The following ZCCHC2 variants were observed in gnomAD, a reference collection of about 807,000 sequenced individuals.
ZCCHC2 encodes the protein zinc finger CCHC domain-containing protein 2.
In ZCCHC2, 39 loss-of-function variants were observed where a neutral mutation model predicts 103.6. The observed-to-expected ratio is 0.38, with a 90% CI of 0.29 to 0.49. The LOEUF (loss-of-function observed/expected upper bound fraction) is 0.49, where lower values mean the gene tolerates loss of function less well. Ranked by LOEUF, ZCCHC2 falls within the 20% of genes least tolerant of loss-of-function variation. The pLI is 0.96. For synonymous variants in ZCCHC2, 687 were observed against 608.9 expected (o/e 1.13, Z -1.89); for missense variants, 1,483 against 1,491.0 (o/e 0.99, Z 0.09).
At chr18:62,553,930 A>G (rs974296990) in intron 5 of ZCCHC2, among the ~76,000 whole-genome samples, 2 of 152,202 alleles carry the variant, frequency 1.3e-5, no homozygotes, top group Admixed American at 6.5e-5. Flanking sequence ...AAATTTTTAT[A>G]TACTCAGATT....
chr18:62,524,566 C>G (rs992238815), intron 1 of ZCCHC2: 1 of 733,930 alleles, frequency 1.4e-6, no homozygotes, highest in Non-Finnish European at 2.0e-6. Flanking sequence ...ACCCCACACC[C>G]CGGCAGACAC....
In ZCCHC2 at chr18:62,524,105, C is replaced by G; in HGVS notation, c.681C>G (p.Gly227=). 6.6e-7 allele frequency: 1 copy of G among 1,521,590 alleles called. No homozygotes were observed. 94.3% of individuals were successfully genotyped at this position (1,521,590 alleles called of 1,614,324 possible). Residue 227 remains glycine, a synonymous_variant, in exon 1 of 14, where the codon GGC becomes GGG. Coordinates refer to ENST00000269499, the MANE Select transcript of ZCCHC2 (RefSeq NM_017742.6). ...ACGAGCGCGGCGAGGACGGCGACGG[C>G]GAGCAGGACGCCGAGAAGGACGGCT... ...AEDERGEDGD[G]EQDAEKDGSG... is the part of the protein sequence containing the mutation.
At chr18:62,582,932 C>T (rs951345013), downstream of ZCCHC2, among the ~76,000 whole-genome samples, 1 of 151,948 alleles carries the variant, frequency 6.6e-6, no homozygotes, top group Non-Finnish European at 1.5e-5. Context: ...GACGAAACCC[C>T]ATCTCTACAA....
rs1390093698 is a variant in ZCCHC2, at chr18:62,537,597, C to T, written c.940-2084C>T. Among the ~76,000 whole-genome samples, 3 of 152,270 alleles carry T rather than the reference C, an allele frequency of 2.0e-5. 1 individual carries two copies. Among genetic ancestry groups the T allele is most frequent in the African/African-American group, 7.2e-5 (3 of 41,542 alleles). On this transcript the variant is annotated intron_variant, in intron 1 of 13. Transcript: ENST00000269499. ...ACTCTCTTTGGGATTCATCTAAATCCTATTATGTATCAGAATTGCATTCCT... is the reference window on the plus strand; with the variant it reads ...ACTCTCTTTGGGATTCATCTAAATCTTATTATGTATCAGAATTGCATTCCT...
intron 7 of ZCCHC2, among the ~76,000 whole-genome samples, chr18:62,559,402 G>C (rs923919020): frequency 2.6e-5 from 4 of 152,212 alleles, no homozygotes; most frequent in Admixed American, 2.6e-4. Flanking sequence ...ATAATGTGCA[G>C]CCTCACTGGT....
chr18:62,562,470 T>C (rs11877529), intron 8 of ZCCHC2, among the ~76,000 whole-genome samples: 1,619 of 152,316 alleles, frequency 0.011, 22 homozygotes, highest in African/African-American at 0.037. Context: ...ATTAGTTTAT[T>C]TTATAAGTTC....
intron 5 of ZCCHC2, chr18:62,551,643 A>T (rs1416813537): frequency 6.5e-6 from 1 of 153,352 alleles, no homozygotes; most frequent in African/African-American, 2.4e-5. Context: ...GAGCGGAGGC[A>T]TCTGAGTGAG....
intron 1 of ZCCHC2, among the ~76,000 whole-genome samples, chr18:62,532,607 G>T (rs1914736843): frequency 6.6e-6 from 1 of 151,998 alleles, no homozygotes; most frequent in Non-Finnish European, 1.5e-5. Flanking sequence ...TCATGCCATT[G>T]TCTCTTGTAT....
At chr18:62,564,962 A>T in intron 10 of ZCCHC2, 40 bp from the exon 11 acceptor site, 1 of 1,429,496 alleles carries the variant, frequency 7.0e-7, no homozygotes, top group Non-Finnish European at 9.9e-7. Context: ...TTTGGTAGAT[A>T]ACCTTATTAA....
chr18:62,532,358 T>C (rs1914720517), intron 1 of ZCCHC2, among the ~76,000 whole-genome samples: 1 of 152,224 alleles, frequency 6.6e-6, no homozygotes, highest in Non-Finnish European at 1.5e-5. Flanking sequence ...CCTGACACCG[T>C]TCTCTGTTGG....
chr18:62,552,554 A>G (rs1012439073), intron 5 of ZCCHC2: 1 of 152,176 alleles, frequency 6.6e-6, no homozygotes, highest in African/African-American at 2.4e-5. Context: ...AAAATTAACT[A>G]TTTCTGGAAG....
Position 62,523,719 on chromosome 18 carries a change from T to C in ZCCHC2, c.295T>C (p.Tyr99His). Residue 99 changes from tyrosine to histidine, a missense_variant, in exon 1 of 14, where the codon TAC (tyrosine) becomes CAC (histidine). Coordinates refer to ENST00000269499, the MANE Select transcript of ZCCHC2 (RefSeq NM_017742.6). ...GGCGCTGCGCGAGCAGGAGCGGGTATACGAGTGGTTCGGGCTGGTGCTGGG... is the reference window on the plus strand; with the variant it reads ...GGCGCTGCGCGAGCAGGAGCGGGTACACGAGTGGTTCGGGCTGGTGCTGGG... The part of the protein sequence containing the change: ...SAALREQERV[Y>H]EWFGLVLGSA... 2.0e-6 allele frequency: 3 copies of C among 1,514,380 alleles called. No individual in the cohort carries two copies. Among genetic ancestry groups the C allele is most frequent in the Non-Finnish European group, 2.6e-6 (3 of 1,139,378 alleles). The allele number at this position is 1,514,380 out of a possible 1,614,324, so 93.8% of individuals were successfully genotyped here. A position where few individuals can be genotyped will look rare whatever the true frequency, so the allele number is the denominator to read the frequency against.
intron 1 of ZCCHC2, 99 bp downstream of exon 1, chr18:62,524,462 G>A (rs1753276335): frequency 1.4e-6 from 2 of 1,394,992 alleles, no homozygotes; most frequent in South Asian, 3.2e-5. Context: ...GCCCCAGCCC[G>A]GCGCAGGTGG....
At chr18:62,550,275 T>C (rs1915605711) in intron 4 of ZCCHC2, 73 bp from the exon 5 acceptor site, 7 of 1,107,672 alleles carry the variant, frequency 6.3e-6, no homozygotes, top group African/African-American at 3.2e-5. Flanking sequence ...CTTCATTTTA[T>C]GCATATAACT....
intron 1 of ZCCHC2, among the ~76,000 whole-genome samples, chr18:62,537,558 A>G (rs1914982301): frequency 6.6e-6 from 1 of 152,112 alleles, no homozygotes; most frequent in South Asian, 2.1e-4. Context: ...TGTCTGGCTT[A>G]TTTCACCTAG....
chr18:62,544,089 A>G (rs1307487790), intron 3 of ZCCHC2, among the ~76,000 whole-genome samples: 3 of 152,224 alleles, frequency 2.0e-5, no homozygotes, highest in Admixed American at 1.3e-4. Context: ...TTTAGCTCAA[A>G]TAATTATAGG....
chr18:62,531,824 G>A (rs1914691050), intron 1 of ZCCHC2, among the ~76,000 whole-genome samples: 1 of 151,884 alleles, frequency 6.6e-6, no homozygotes, highest in Admixed American at 6.6e-5. Context: ...ATGTTAGCTG[G>A]GTGTGGAGGC....
At chr18:62,585,204 T>C (rs987352330) in exon 15 of ZCCHC2, 2 of 152,250 alleles carry the variant, frequency 1.3e-5, no homozygotes, top group African/African-American at 4.8e-5. Context: ...GTGGCATCAA[T>C]GCAGATTTTA....
In ZCCHC2 at chr18:62,539,576, A is replaced by C. The variant is rs968359076; in HGVS notation, c.940-105A>C. ...GTGCAGTCACCTATTGGACCTCTAAAAATTGCCACTAAAATGGTTGTTAGT... is the reference window on the plus strand; with the variant it reads ...GTGCAGTCACCTATTGGACCTCTAACAATTGCCACTAAAATGGTTGTTAGT... On this transcript the variant is annotated intron_variant, in intron 1 of 13. Transcript: ENST00000269499. 9.7e-6 allele frequency: 9 copies of C among 925,508 alleles called. No individual in the cohort carries two copies. The African/African-American group carries it at 1.3e-4, about 14-fold the overall frequency. 57.3% of individuals were successfully genotyped at this position (925,508 alleles called of 1,614,324 possible). A position where few individuals can be genotyped will look rare whatever the true frequency, so the allele number is the denominator to read the frequency against.
Sources: gnomAD v4.1 joint callset for allele counts (sites outside exome capture counted in the v4.1 genomes callset) on GRCh38, gnomAD v4.1.1 for gene constraint, MANE v1.5 for transcripts, NCBI Gene and HGNC (gene_info 2026-07-23, HGNC 2026-07-21) for gene names.